The following PINX1 variants were observed in gnomAD, a reference collection of about 807,000 sequenced individuals.
The protein encoded by PINX1 is PIN2/TERF1-interacting telomerase inhibitor 1.
Under a neutral mutation model 25.4 loss-of-function variants are expected in PINX1, and 34 were observed. That is an observed-to-expected ratio of 1.34 (90% CI 1.02 to 1.78). The LOEUF (loss-of-function observed/expected upper bound fraction) is 1.78. Among genes scored for constraint, PINX1 ranks in the 40% most tolerant of loss-of-function variants. The probability of loss-of-function intolerance (pLI) is 0.00; values close to 1 mark genes in which losing one functional copy is unlikely to be tolerated. For synonymous variants in PINX1, 197 were observed against 147.7 expected (o/e 1.33, Z -2.42); for missense variants, 592 against 404.9 (o/e 1.46, Z -3.97).
chr8:10,836,257 G>T (rs1798403684), intron 1 of PINX1, among the ~76,000 whole-genome samples: 2 of 152,140 alleles, frequency 1.3e-5, no homozygotes, highest in Admixed American at 6.5e-5. Flanking sequence ...AGCAAAACAA[G>T]TTGGGCTCGA....
At chr8:10,811,782 A>C (rs1384432255) in intron 6 of PINX1, among the ~76,000 whole-genome samples, 1 of 152,130 alleles carries the variant, frequency 6.6e-6, no homozygotes. Flanking sequence ...TATTTACATG[A>C]AAGCTTCAAG....
In PINX1 at chr8:10,777,233, G is replaced by A. The variant is rs372275965; in HGVS notation, c.472-11317C>T. ...TATGAGTGTCTTATTATGAAGTTAT[G>A]TTTGCTGATCTACAAGACGACATAA... On this transcript the variant is annotated intron_variant, in intron 6 of 6. Transcript: ENST00000314787. Among the ~76,000 whole-genome samples the A allele has an allele frequency of 1.6e-4, 24 of 152,294 alleles. No individual in the cohort carries two copies. In the East Asian group the frequency reaches 2.7e-3, roughly 17 times the overall value.
At chr8:10,777,423 G>A (rs1329365800) in intron 6 of PINX1, among the ~76,000 whole-genome samples, 3 of 152,148 alleles carry the variant, frequency 2.0e-5, no homozygotes, top group East Asian at 3.9e-4. Context: ...ATGCACTCTC[G>A]GCACCATGTG....
chr8:10,770,402 G>T (rs923320518), intron 6 of PINX1, among the ~76,000 whole-genome samples: 1 of 152,166 alleles, frequency 6.6e-6, no homozygotes, highest in Non-Finnish European at 1.5e-5. Flanking sequence ...AGTCCCTGCG[G>T]GTATCAATTA....
In PINX1 at chr8:10,826,237, C is replaced by A. The variant is rs766471547; in HGVS notation, c.309G>T (p.Ser103=). 19 of 1,554,308 alleles carry A rather than the reference C, an allele frequency of 1.2e-5. No homozygotes were observed. Among genetic ancestry groups the A allele is most frequent in the Non-Finnish European group, 1.4e-5 (16 of 1,134,734 alleles). The change falls in exon 5 of 7, where the codon TCG becomes TCT. Residue 103 remains serine, a synonymous_variant. Transcript: ENST00000314787. ...TAAAAGATTTCTTTTCCTTCTTGTC[C>A]GAGGAATCTTTAAAAAAGATGAAAA... is the stretch of plus-strand genomic sequence containing the variant. ...TCHGQETTDS[S]DKKEKKSFSL...
At position 10,765,595 on chromosome 8, in the gene PINX1, AGGGGCCTCT is replaced by A. The variant is rs1328629518; in HGVS notation, c.784_792del (p.Arg262_Pro264del). On this transcript the variant is annotated inframe_deletion, in exon 7 of 7. Transcript: ENST00000314787. ...GAGGCCTTGGAACTCTGGTCCCAGCAGGGGCCTCTGAGCTGCTCTTCTGCTGGCGCGCTC... is the reference window on the plus strand; with the variant it reads ...GAGGCCTTGGAACTCTGGTCCCAGCAGAGCTGCTCTTCTGCTGGCGCGCTC... 1.2e-6 allele frequency: 2 copies of A among 1,613,688 alleles called. No individual in the cohort carries two copies. Among genetic ancestry groups the A allele is most frequent in the Non-Finnish European group, 1.7e-6 (2 of 1,179,850 alleles).
chr8:10,816,155 T>C (rs1797690320), intron 6 of PINX1, among the ~76,000 whole-genome samples: 1 of 152,142 alleles, frequency 6.6e-6, no homozygotes, highest in Non-Finnish European at 1.5e-5. Context: ...GAGATAATAA[T>C]GGTTACACAA....
chr8:10,786,126 A>G (rs1417747520), intron 6 of PINX1, among the ~76,000 whole-genome samples: 1 of 152,162 alleles, frequency 6.6e-6, no homozygotes, highest in African/African-American at 2.4e-5. Context: ...ATTTTCATCG[A>G]TTCAAAATGC....
chr8:10,835,221 C>T (rs1798366363), intron 1 of PINX1, among the ~76,000 whole-genome samples: 1 of 152,142 alleles, frequency 6.6e-6, no homozygotes, highest in Non-Finnish European at 1.5e-5. Context: ...ATAGTAAATG[C>T]CAATTATTCA....
At chr8:10,783,401 G>A (rs1431311200) in intron 6 of PINX1, among the ~76,000 whole-genome samples, 2 of 152,156 alleles carry the variant, frequency 1.3e-5, no homozygotes, top group African/African-American at 4.8e-5. Flanking sequence ...CAGTGTGTTT[G>A]TTGTTCCCCA....
intron 6 of PINX1, among the ~76,000 whole-genome samples, chr8:10,782,372 C>T (rs759158870): frequency 1.3e-5 from 2 of 151,766 alleles, no homozygotes; most frequent in Non-Finnish European, 2.9e-5. Context: ...GTAACTATGT[C>T]ACTACATATA....
intron 6 of PINX1, among the ~76,000 whole-genome samples, chr8:10,768,823 T>C (rs17774023): frequency 0.28 from 42,975 of 152,134 alleles, 6,501 homozygotes; most frequent in African/African-American, 0.32. Context: ...TTCTTGACCA[T>C]GGCATCACAT....
At chr8:10,812,638 C>T (rs1194600653) in intron 6 of PINX1, among the ~76,000 whole-genome samples, 3 of 152,212 alleles carry the variant, frequency 2.0e-5, no homozygotes, top group Non-Finnish European at 2.9e-5. Context: ...TGTTTCTGTG[C>T]ATAACATGCT....
intron 6 of PINX1, among the ~76,000 whole-genome samples, chr8:10,818,548 G>A (rs1797770056): frequency 6.6e-6 from 1 of 152,172 alleles, no homozygotes; most frequent in Non-Finnish European, 1.5e-5. Flanking sequence ...CTGTTCAACT[G>A]TACATTTTCA....
At chr8:10,788,160 G>C (rs1004683543) in intron 6 of PINX1, among the ~76,000 whole-genome samples, 2 of 152,130 alleles carry the variant, frequency 1.3e-5, no homozygotes, top group African/African-American at 4.8e-5. Flanking sequence ...GAATGAGGCT[G>C]GCCACGAATT....
At chr8:10,767,296 T>C (rs935133304) in intron 6 of PINX1, among the ~76,000 whole-genome samples, 14 of 152,124 alleles carry the variant, frequency 9.2e-5, no homozygotes, top group Admixed American at 1.3e-4. Flanking sequence ...CTCAGTGGAA[T>C]CCAAGATAAT....
chr8:10,794,163 A>G (rs188191185), intron 6 of PINX1, among the ~76,000 whole-genome samples: 2 of 152,352 alleles, frequency 1.3e-5, no homozygotes, highest in East Asian at 3.9e-4. Context: ...GTGGCAGTGA[A>G]GGGGTATTTT....
At chr8:10,806,182 G>A (rs1389536454) in intron 6 of PINX1, among the ~76,000 whole-genome samples, 1 of 151,376 alleles carries the variant, frequency 6.6e-6, no homozygotes, top group African/African-American at 2.4e-5. Flanking sequence ...CTGAGGGGGT[G>A]ACGGAGCACA....
At chr8:10,806,861 G>A (rs1362789230) in intron 6 of PINX1, among the ~76,000 whole-genome samples, 1 of 152,148 alleles carries the variant, frequency 6.6e-6, no homozygotes, top group Admixed American at 6.5e-5. Flanking sequence ...CATGGCCCCA[G>A]CGAGAGGGCT....
Sources: allele counts gnomAD v4.1 joint callset (sites outside exome capture counted in the v4.1 genomes callset), GRCh38; gene constraint gnomAD v4.1.1; transcripts MANE v1.5; gene names NCBI Gene and HGNC (gene_info 2026-07-23, HGNC 2026-07-21).